The following CADM2 variants were observed in gnomAD, a reference collection of about 807,000 sequenced individuals.
The protein encoded by CADM2 is immunoglobulin superfamily member 4D.
CADM2 carries 12 observed loss-of-function variants against 49.8 expected under a neutral mutation model. The ratio of observed to expected loss-of-function variants is 0.24; its 90% confidence interval spans 0.15 to 0.39. CADM2 has a LOEUF of 0.39. Ranked by LOEUF, CADM2 falls within the 10% of genes least tolerant of loss-of-function variation. CADM2 has a pLI of 1.00. For synonymous variants in CADM2, 214 were observed against 175.4 expected, an observed-to-expected ratio of 1.22 and a Z score of -1.74; for missense variants, 378 against 492.3, an observed-to-expected ratio of 0.77 and a Z score of 2.20.
At chr3:85,530,410 G>A (rs894669129) in intron 1 of CADM2, among the ~76,000 whole-genome samples, 11 of 109,432 alleles carry the variant, frequency 1.0e-4, no homozygotes, top group Non-Finnish European at 1.2e-4. Flanking sequence ...GGCTCACTGC[G>A]AGCTCCGCCT....
intron 1 of CADM2, among the ~76,000 whole-genome samples, chr3:85,123,231 A>C (rs1225313013): frequency 6.6e-6 from 1 of 152,170 alleles, no homozygotes; most frequent in East Asian, 1.9e-4. Context: ...CAACAACTTC[A>C]TAGTGACATC....
At chr3:85,734,213 G>C (rs2068042770) in intron 2 of CADM2, among the ~76,000 whole-genome samples, 1 of 152,026 alleles carries the variant, frequency 6.6e-6, no homozygotes, top group East Asian at 1.9e-4. Flanking sequence ...CAGAATTCCT[G>C]GGTTCTAGGG....
intron 2 of CADM2, among the ~76,000 whole-genome samples, chr3:85,767,838 G>T (rs1404008761): frequency 6.6e-6 from 1 of 152,046 alleles, no homozygotes; most frequent in African/African-American, 2.4e-5. Context: ...AATTATAAAA[G>T]ATGCTGGTAG....
At chr3:85,930,163 G>A (rs1489504135) in intron 6 of CADM2, among the ~76,000 whole-genome samples, 1 of 152,026 alleles carries the variant, frequency 6.6e-6, no homozygotes, top group African/African-American at 2.4e-5. Context: ...AATCAGATGA[G>A]TAAAAAATAG....
chr3:85,849,638 AT>A (rs1303661566), intron 3 of CADM2, among the ~76,000 whole-genome samples: 36 of 152,162 alleles, frequency 2.4e-4, no homozygotes, highest in Admixed American at 1.6e-3. Flanking sequence ...TGAACACCAC[AT>A]TTTGAGTATT....
chr3:85,376,215 T>C (rs1244911213), intron 1 of CADM2, among the ~76,000 whole-genome samples: 1 of 152,124 alleles, frequency 6.6e-6, no homozygotes, highest in Non-Finnish European at 1.5e-5. Flanking sequence ...ATTACATGCA[T>C]GTTACCAAAC....
chr3:85,014,430 GA>G (rs1393303133), intron 1 of CADM2, among the ~76,000 whole-genome samples: 1 of 147,516 alleles, frequency 6.8e-6, no homozygotes, highest in South Asian at 2.1e-4. Context: ...GTACACATAG[GA>G]AAAAAACATA....
intron 1 of CADM2, among the ~76,000 whole-genome samples, chr3:85,564,394 T>TA (rs2062193235): frequency 6.6e-6 from 1 of 152,086 alleles, no homozygotes; most frequent in Admixed American, 6.6e-5. Context: ...ATATAAGTCT[T>TA]AGAGTAAGAG....
intron 1 of CADM2, among the ~76,000 whole-genome samples, chr3:85,144,509 G>A (rs1215880815): frequency 6.6e-6 from 1 of 151,834 alleles, no homozygotes; most frequent in Non-Finnish European, 1.5e-5. Context: ...ATATTCAGGA[G>A]GCTGAGGCAG....
intron 1 of CADM2, among the ~76,000 whole-genome samples, chr3:85,150,739 A>G (rs1418410373): frequency 2.1e-5 from 3 of 139,724 alleles, no homozygotes; most frequent in Non-Finnish European, 4.8e-5. Flanking sequence ...CGTCTCTACT[A>G]AAAAAAAAAG....
chr3:85,044,058 T>C (rs907389272), intron 1 of CADM2, among the ~76,000 whole-genome samples: 5 of 152,102 alleles, frequency 3.3e-5, no homozygotes, highest in Admixed American at 1.3e-4. Flanking sequence ...TCAGAATCCT[T>C]GTGACCTAAG....
chr3:85,184,388 C>A (rs2041004782), intron 1 of CADM2, among the ~76,000 whole-genome samples: 1 of 152,028 alleles, frequency 6.6e-6, no homozygotes, highest in South Asian at 2.1e-4. Flanking sequence ...TCTTCTAGGG[C>A]TGAGAAATGA....
At chr3:85,138,847 C>G (rs2039495226) in intron 1 of CADM2, among the ~76,000 whole-genome samples, 2 of 152,070 alleles carry the variant, frequency 1.3e-5, no homozygotes, top group Non-Finnish European at 2.9e-5. Context: ...GTTGCTTTTA[C>G]AGTAAAAGTA....
chr3:85,886,233 T>C lies in CADM2; in HGVS notation c.435T>C (p.Val145=). 6.2e-7 allele frequency: 1 copy of C among 1,613,932 alleles called. No homozygotes were observed. Among genetic ancestry groups the C allele is most frequent in the Non-Finnish European group, 8.5e-7 (1 of 1,179,918 alleles). The change falls in exon 5 of 10, where the codon GTT becomes GTC. Residue 145 remains valine (V), a synonymous_variant. Coordinates refer to ENST00000383699, the MANE Select transcript of CADM2 (RefSeq NM_001167675.2). ...AGATTAGTGGATTCTCATCACCAGT[T>C]ATGGAGGGTGACTTGATGCAGCTGA... ...KPQISGFSSP[V]MEGDLMQLTC...
At chr3:85,470,572 A>C (rs1409176959) in intron 1 of CADM2, among the ~76,000 whole-genome samples, 1 of 152,192 alleles carries the variant, frequency 6.6e-6, no homozygotes, top group Admixed American at 6.6e-5. Context: ...GGAAATGATC[A>C]AAGAGTGACT....
intron 1 of CADM2, among the ~76,000 whole-genome samples, chr3:85,597,482 G>A (rs925882246): frequency 6.6e-6 from 1 of 151,988 alleles, no homozygotes; most frequent in Admixed American, 6.6e-5. Flanking sequence ...TTTCATCTAT[G>A]TGCCACTGAT....
At chr3:85,577,927 C>T (rs116479458) in intron 1 of CADM2, among the ~76,000 whole-genome samples, 1,909 of 151,666 alleles carry the variant, frequency 0.013, 13 homozygotes, top group Non-Finnish European at 0.018. Flanking sequence ...AGTCTTGTTT[C>T]ACTAAAAAAT....
At chr3:85,916,894 GT>G (rs1197769902) in intron 6 of CADM2, among the ~76,000 whole-genome samples, 2 of 152,122 alleles carry the variant, frequency 1.3e-5, no homozygotes, top group Non-Finnish European at 2.9e-5. Context: ...TCTCACTGTG[GT>G]TTTGATTTGC....
At chr3:85,331,031 G>A (rs1268767096) in intron 1 of CADM2, among the ~76,000 whole-genome samples, 1 of 151,978 alleles carries the variant, frequency 6.6e-6, no homozygotes, top group Admixed American at 6.6e-5. Context: ...TATTTATGGG[G>A]TACATGCAAT....
Sources: gnomAD v4.1 joint callset for allele counts (sites outside exome capture counted in the v4.1 genomes callset) on GRCh38, gnomAD v4.1.1 for gene constraint, MANE v1.5 for transcripts, NCBI Gene and HGNC (gene_info 2026-07-23, HGNC 2026-07-21) for gene names.